Variants in ASTN2 observed in about 807,000 individuals in gnomAD.
The protein encoded by ASTN2 is astrotactin-2.
In ASTN2, 54 loss-of-function variants were observed where a neutral mutation model predicts 139.8. The observed-to-expected ratio is 0.39, with a 90% CI of 0.31 to 0.48. The LOEUF (loss-of-function observed/expected upper bound fraction) is 0.48, where lower values mean the gene tolerates loss of function less well. ASTN2 is among the 20% of genes least tolerant of loss of function. The pLI is 0.95. For missense variants in ASTN2, 1,565 were observed against 1,725.1 expected, an observed-to-expected ratio of 0.91 and a Z score of 1.64; for synonymous variants, 756 against 719.5, an observed-to-expected ratio of 1.05 and a Z score of -0.81.
intron 2 of ASTN2, among the ~76,000 whole-genome samples, chr9:117,215,361 T>C (rs1468330931): frequency 6.6e-6 from 1 of 151,994 alleles, no homozygotes; most frequent in Non-Finnish European, 1.5e-5. Context: ...TTTCTGAATT[T>C]CTATAAGGGA....
chr9:116,900,298 A>T (rs1443131157), intron 10 of ASTN2, among the ~76,000 whole-genome samples: 1 of 152,158 alleles, frequency 6.6e-6, no homozygotes, highest in African/African-American at 2.4e-5. Context: ...CTGACAACTA[A>T]GCCTCCATAT....
At chr9:117,049,225 G>T (rs762952149) in intron 5 of ASTN2, among the ~76,000 whole-genome samples, 1 of 152,170 alleles carries the variant, frequency 6.6e-6, no homozygotes, top group South Asian at 2.1e-4. Flanking sequence ...CAAAGAGCTA[G>T]TGTAGTATTT....
chr9:116,899,773 C>G (rs1209464441), intron 10 of ASTN2, among the ~76,000 whole-genome samples: 2 of 152,198 alleles, frequency 1.3e-5, no homozygotes, highest in African/African-American at 4.8e-5. Context: ...GCTCAGGAGT[C>G]ATGCAGCCAG....
chr9:116,851,471 CATCT>C (rs58927400), intron 11 of ASTN2, among the ~76,000 whole-genome samples: 4,290 of 148,942 alleles, frequency 0.029, 98 homozygotes, highest in East Asian at 0.15. Context: ...AATTGCTAAA[CATCT>C]ATCTATCTAT....
At chr9:116,563,356 T>A (rs1020784822) in intron 19 of ASTN2, among the ~76,000 whole-genome samples, 1 of 150,832 alleles carries the variant, frequency 6.6e-6, no homozygotes, top group South Asian at 2.1e-4. Flanking sequence ...GCCTGGGTGA[T>A]AGAGCGAGAC....
chr9:116,805,402 G>C (rs1477418428), intron 13 of ASTN2, among the ~76,000 whole-genome samples: 1 of 152,108 alleles, frequency 6.6e-6, no homozygotes, highest in Non-Finnish European at 1.5e-5. Flanking sequence ...TGTGGGGCTA[G>C]AACTAGGAAA....
intron 10 of ASTN2, among the ~76,000 whole-genome samples, chr9:116,870,023 A>AAGCTGAGG (rs1833119022): frequency 6.6e-6 from 1 of 150,646 alleles, no homozygotes; most frequent in South Asian, 2.1e-4. Context: ...AGGTAGGAGG[A>AAGCTGAGG]TTGCTTGAGC....
chr9:116,867,125 G>A (rs1272199365), intron 10 of ASTN2, among the ~76,000 whole-genome samples: 1 of 151,900 alleles, frequency 6.6e-6, no homozygotes, highest in African/African-American at 2.4e-5. Context: ...GGCAAATAGA[G>A]GAGAGAAAGG....
intron 1 of ASTN2, among the ~76,000 whole-genome samples, chr9:117,378,224 T>G (rs1310930574): frequency 6.6e-6 from 1 of 152,178 alleles, no homozygotes; most frequent in Non-Finnish European, 1.5e-5. Context: ...AGAAGAGACC[T>G]GTCTAACATC....
At chr9:117,372,604 G>T (rs1426453922) in intron 1 of ASTN2, among the ~76,000 whole-genome samples, 3 of 152,034 alleles carry the variant, frequency 2.0e-5, no homozygotes, top group East Asian at 3.8e-4. Context: ...AATGTTACAA[G>T]AATTAAATGA....
chr9:116,642,204 C>A (rs536692147), intron 17 of ASTN2, among the ~76,000 whole-genome samples: 111 of 149,370 alleles, frequency 7.4e-4, no homozygotes, highest in African/African-American at 2.6e-3. Context: ...ACAAACACTT[C>A]CCCCATTCTC....
intron 2 of ASTN2, among the ~76,000 whole-genome samples, chr9:117,254,152 G>C (rs1019201305): frequency 2.6e-5 from 4 of 152,118 alleles, no homozygotes; most frequent in African/African-American, 9.6e-5. Context: ...CTGTCAAATG[G>C]GGCCAATAAT....
intron 7 of ASTN2, among the ~76,000 whole-genome samples, chr9:116,993,677 A>G (rs1836924485): frequency 6.8e-6 from 1 of 148,114 alleles, no homozygotes; most frequent in Admixed American, 6.8e-5. Context: ...GTAACGAAAT[A>G]TATTTAGTAA....
chr9:116,774,932 A>G (rs564037380), intron 13 of ASTN2, among the ~76,000 whole-genome samples: 2 of 152,258 alleles, frequency 1.3e-5, no homozygotes, highest in South Asian at 2.1e-4. Flanking sequence ...TGGGACCACC[A>G]TCTTAAATCC....
At chr9:117,287,920 C>T (rs1821527422) in intron 2 of ASTN2, among the ~76,000 whole-genome samples, 1 of 152,080 alleles carries the variant, frequency 6.6e-6, no homozygotes, top group South Asian at 2.1e-4. Context: ...TTCAATAATT[C>T]TGTGAGATTG....
chr9:116,762,169 G>A (rs1391431367), intron 13 of ASTN2, among the ~76,000 whole-genome samples: 1 of 152,168 alleles, frequency 6.6e-6, no homozygotes, highest in South Asian at 2.1e-4. Flanking sequence ...AATTATAGCT[G>A]TAATATTGGC....
At position 116,976,186 on chromosome 9, in the gene ASTN2, G is replaced by A. The variant is rs1177501385; in HGVS notation, c.1679C>T (p.Pro560Leu). Reference protein sequence around the residue: ...VRSDWGQSEGPWPYTTLERGY... With the variant: ...VRSDWGQSEGLWPYTTLERGY... The stretch of plus-strand genomic sequence containing the variant: ...CCTCTCAAGTGTCGTGTAGGGCCAA[G>A]GTCTATGGGAAGAAGGAGAGGGGAG... The change falls in exon 9 of 23, where the codon CCT (proline) becomes CTT (leucine). Residue 560 changes from proline to leucine, a missense_variant and splice_region_variant. Coordinates refer to ENST00000313400, the MANE Select transcript of ASTN2 (RefSeq NM_001365068.1). 3 of 1,611,950 alleles carry A rather than the reference G, an allele frequency of 1.9e-6. No homozygotes were observed. The highest frequency in any genetic ancestry group is 2.5e-6 in the Non-Finnish European group (3 of 1,179,212).
At chr9:116,615,906 G>A (rs1855828908) in intron 19 of ASTN2, among the ~76,000 whole-genome samples, 1 of 151,822 alleles carries the variant, frequency 6.6e-6, no homozygotes, top group Non-Finnish European at 1.5e-5. Context: ...TACCTTCTTC[G>A]ATGTAATCAA....
intron 17 of ASTN2, among the ~76,000 whole-genome samples, chr9:116,638,953 T>C (rs117045751): frequency 0.014 from 2,058 of 152,310 alleles, 24 homozygotes; most frequent in Middle Eastern, 0.037. Flanking sequence ...GATTTTAACA[T>C]TTACACATGA....
Sources: allele counts gnomAD v4.1 joint callset (sites outside exome capture counted in the v4.1 genomes callset), GRCh38; gene constraint gnomAD v4.1.1; transcripts MANE v1.5; gene names NCBI Gene and HGNC (gene_info 2026-07-23, HGNC 2026-07-21).